Variants in MTMR3 observed in about 807,000 individuals in gnomAD.
The protein encoded by MTMR3 is myotubularin related protein 3, also known as phosphatidylinositol-3,5-bisphosphate 3-phosphatase MTMR3.
A neutral mutation model predicts 132.4 loss-of-function variants in MTMR3; 32 were observed. That is an observed-to-expected ratio of 0.24 (90% CI 0.18 to 0.32). The LOEUF (loss-of-function observed/expected upper bound fraction) is 0.32, where lower values mean the gene tolerates loss of function less well. MTMR3 is among the 10% of genes least tolerant of loss of function. The probability of loss-of-function intolerance (pLI) is 1.00; values close to 1 mark genes in which losing one functional copy is unlikely to be tolerated. For synonymous variants in MTMR3, 556 were observed against 550.3 expected (o/e 1.01, Z -0.14); for missense variants, 1,216 against 1,489.6 (o/e 0.82, Z 3.02).
chr22:29,889,682 A>G (rs1056398743), intron 1 of MTMR3, among the ~76,000 whole-genome samples: 3 of 152,028 alleles, frequency 2.0e-5, no homozygotes, highest in Admixed American at 6.6e-5. Flanking sequence ...TTTCTTATAC[A>G]TATCTATTGA....
intron 1 of MTMR3, among the ~76,000 whole-genome samples, chr22:29,907,467 T>G (rs2065126546): frequency 6.6e-6 from 1 of 152,114 alleles, no homozygotes; most frequent in South Asian, 2.1e-4. Flanking sequence ...AGCTACTTAC[T>G]AAAGAGTAGA....
rs1602525426 is a variant in MTMR3 at position 29,942,679 on chromosome 22, G to A, written c.-137-14357G>A. Among the ~76,000 whole-genome samples the A allele has an allele frequency of 2.0e-5, 3 of 152,326 alleles. No homozygotes were observed. In the East Asian group the frequency reaches 5.8e-4, roughly 29 times the overall value. On this transcript the variant is annotated intron_variant, in intron 1 of 19. Coordinates refer to ENST00000401950, the MANE Select transcript of MTMR3 (RefSeq NM_021090.4). Reference sequence around the variant, plus strand: ...CTTTCTCAGGGATGTTCCTTGCTGAGAAAAAGAATTCAGCGATATTTCTCC... The same window carrying A: ...CTTTCTCAGGGATGTTCCTTGCTGAAAAAAAGAATTCAGCGATATTTCTCC...
intron 1 of MTMR3, among the ~76,000 whole-genome samples, chr22:29,897,880 CTA>C: frequency 6.6e-6 from 1 of 152,140 alleles, no homozygotes; most frequent in South Asian, 2.1e-4. Flanking sequence ...CTACAAATAT[CTA>C]TATATATTTT....
In MTMR3 at chr22:30,013,445, G is replaced by C. The variant is rs1427801485; in HGVS notation, c.1407G>C (p.Leu469=). The change falls in exon 14 of 20, where the codon CTG becomes CTC. Residue 469 remains leucine, a synonymous_variant. Transcript: ENST00000401950. ...GTCATGGGGAGAACTCGGATGATCT[G>C]AATGAACGTTGCCCAGTGTTTCTGC... ...RCGHGENSDD[L]NERCPVFLQW... 6.2e-7 allele frequency: 1 copy of C among 1,614,174 alleles called. No homozygotes were observed. The highest frequency in any genetic ancestry group is 8.5e-7 in the Non-Finnish European group (1 of 1,180,022).
At chr22:29,920,929 A>G (rs1334427593) in intron 1 of MTMR3, among the ~76,000 whole-genome samples, 2 of 132,636 alleles carry the variant, frequency 1.5e-5, no homozygotes, top group Non-Finnish European at 3.1e-5. Context: ...AAGCTTACAC[A>G]TCTAATATGT....
intron 1 of MTMR3, among the ~76,000 whole-genome samples, chr22:29,903,745 T>C (rs987231905): frequency 3.9e-5 from 6 of 152,154 alleles, no homozygotes; most frequent in Non-Finnish European, 8.8e-5. Flanking sequence ...TTAAATGTAT[T>C]ATATAATTGA....
At chr22:29,947,581 A>C (rs1319992224) in intron 1 of MTMR3, among the ~76,000 whole-genome samples, 2 of 151,886 alleles carry the variant, frequency 1.3e-5, no homozygotes, top group East Asian at 1.9e-4. Flanking sequence ...TTTAAATTCA[A>C]GGTTTGGTCT....
intron 16 of MTMR3, chr22:30,018,424 G>T: frequency 5.2e-6 from 1 of 193,842 alleles, no homozygotes; most frequent in Non-Finnish European, 1.0e-5. Flanking sequence ...GGCTTAAAAG[G>T]CAGATGCTGT....
intron 1 of MTMR3, among the ~76,000 whole-genome samples, chr22:29,902,610 G>T (rs927297500): frequency 4.4e-4 from 67 of 152,006 alleles, no homozygotes; most frequent in Middle Eastern, 3.4e-3. Flanking sequence ...CTTGTGATCC[G>T]CCTGTCTTGG....
chr22:29,937,574 C>T (rs917647586), intron 1 of MTMR3, among the ~76,000 whole-genome samples: 2 of 151,992 alleles, frequency 1.3e-5, no homozygotes, highest in Non-Finnish European at 1.5e-5. Flanking sequence ...CAGGTGCCGC[C>T]GCACCCAAAC....
chr22:29,951,165 A>G (rs1354761225), intron 1 of MTMR3, among the ~76,000 whole-genome samples: 1 of 152,160 alleles, frequency 6.6e-6, no homozygotes, highest in Non-Finnish European at 1.5e-5. Flanking sequence ...AAAAGTATAA[A>G]GTGAATGTGT....
chr22:29,916,326 T>C (rs768654958), intron 1 of MTMR3, among the ~76,000 whole-genome samples: 6 of 152,196 alleles, frequency 3.9e-5, no homozygotes, highest in Non-Finnish European at 5.9e-5. Flanking sequence ...TTGCCTACCC[T>C]CGTGAAATCT....
rs1266001231 is a variant in MTMR3, at chr22:29,988,524, T to C, written c.255T>C (p.Phe85=). The part of the protein sequence containing the change: ...LIESVECRDI[F]QLHLTCKDCK... ...AAAGTGTTGAATGCCGAGATATATT[T>C]CAGCTTCATTTGACTTGCAAAGACT... The change falls in exon 6 of 20, where the codon TTT becomes TTC. Residue 85 remains phenylalanine (F), a synonymous_variant. Transcript: ENST00000401950. The C allele has an allele frequency of 1.2e-6, 2 of 1,613,132 alleles. No individual in the cohort carries two copies. Among genetic ancestry groups the C allele is most frequent in the Non-Finnish European group, 1.7e-6 (2 of 1,179,434 alleles).
At chr22:29,954,884 C>T (rs1416650743) in intron 1 of MTMR3, among the ~76,000 whole-genome samples, 1 of 152,194 alleles carries the variant, frequency 6.6e-6, no homozygotes, top group Non-Finnish European at 1.5e-5. Context: ...ATCTACCCTT[C>T]ATTTCTTAAT....
At chr22:29,889,600 G>A (rs1370289425) in intron 1 of MTMR3, among the ~76,000 whole-genome samples, 1 of 150,808 alleles carries the variant, frequency 6.6e-6, no homozygotes, top group Non-Finnish European at 1.5e-5. Context: ...AACGGTTTTA[G>A]TGTTTTTTAA....
chr22:29,970,251 A>T (rs2066506626), intron 2 of MTMR3, among the ~76,000 whole-genome samples: 1 of 152,200 alleles, frequency 6.6e-6, no homozygotes, highest in South Asian at 2.1e-4. Context: ...GTTTCCTCAG[A>T]TGGGGGATCC....
intron 1 of MTMR3, among the ~76,000 whole-genome samples, chr22:29,946,413 T>A (rs1306702385): frequency 6.6e-6 from 1 of 152,108 alleles, no homozygotes; most frequent in African/African-American, 2.4e-5. Context: ...TTTGGGGAGC[T>A]CTCTGCTAGT....
At chr22:29,973,703 G>T (rs1341548251) in intron 3 of MTMR3, among the ~76,000 whole-genome samples, 2 of 152,200 alleles carry the variant, frequency 1.3e-5, no homozygotes, top group South Asian at 4.1e-4. Flanking sequence ...GGGTACAAGC[G>T]ATTCTCCTGC....
rs2067693281 is a variant in MTMR3 at position 30,019,526 on chromosome 22, A to G, written c.1867A>G (p.Asn623Asp). 6.2e-7 allele frequency: 1 copy of G among 1,611,254 alleles called. No homozygotes were observed. Among genetic ancestry groups the G allele is most frequent in the Non-Finnish European group, 8.5e-7 (1 of 1,179,998 alleles). Residue 623 changes from asparagine (N) to aspartate (D), a missense_variant, in exon 17 of 20, where the codon AAC becomes GAC. Asn to Asp is a conservative substitution (Grantham distance 23). This residue lies in a region of MTMR3 where 852 missense variants were observed against 852.0 expected (regional missense o/e 1.00). Transcript: ENST00000401950. ...CGACAATCTGACCACAGCCTGTGAC[A>G]ACACAGTGCCTCTGGCCAGCCGGCG... ...SYDNLTTACDNTVPLASRRCS... is the reference protein window; with the variant it reads ...SYDNLTTACDDTVPLASRRCS...
Sources: gnomAD v4.1 joint callset for allele counts (sites outside exome capture counted in the v4.1 genomes callset) on GRCh38, gnomAD v4.1.1 for gene constraint, gnomAD v4.1.1 regional missense constraint, MANE v1.5 for transcripts, NCBI Gene and HGNC (gene_info 2026-07-23, HGNC 2026-07-21) for gene names.